PRELID2: variants seen among roughly 807,000 people sequenced by gnomAD.
PRELID2 encodes PRELI domain containing 2, also known as PRELI domain-containing protein 2.
A neutral mutation model predicts 28.4 loss-of-function variants in PRELID2; 25 were observed. The ratio of observed to expected loss-of-function variants is 0.88; its 90% CI spans 0.64 to 1.23. PRELID2 has a LOEUF of 1.23. Among genes scored for constraint, PRELID2 ranks in the 50% most tolerant of loss-of-function variants. PRELID2 has a pLI of 0.00. For synonymous variants in PRELID2, 76 were observed against 71.6 expected (o/e 1.06, Z -0.31); for missense variants, 201 against 214.4 (o/e 0.94, Z 0.39).
intron 1 of PRELID2, among the ~76,000 whole-genome samples, chr5:145,613,429 T>C: frequency 1.4e-5 from 2 of 143,836 alleles, no homozygotes; most frequent in African/African-American, 5.1e-5. Flanking sequence ...TATCTCCTAA[T>C]GCTATCCCTC....
chr5:145,712,463 C>T (rs1755720564), intron 1 of PRELID2, among the ~76,000 whole-genome samples: 2 of 152,162 alleles, frequency 1.3e-5, no homozygotes, highest in African/African-American at 4.8e-5. Context: ...CAAGACTTTT[C>T]TTTCCAAAGA....
chr5:145,551,878 G>A (rs1268086388), intron 1 of PRELID2, among the ~76,000 whole-genome samples: 2 of 152,122 alleles, frequency 1.3e-5, no homozygotes, highest in Non-Finnish European at 2.9e-5. Flanking sequence ...TGTCTGGCAG[G>A]AGCAGGGACA....
At chr5:145,649,671 C>T in intron 1 of PRELID2, among the ~76,000 whole-genome samples, 1 of 152,176 alleles carries the variant, frequency 6.6e-6, no homozygotes, top group East Asian at 1.9e-4. Flanking sequence ...TCAGTTGCAT[C>T]TAAGCTGTTT....
rs537847605 is a variant in PRELID2 at position 145,773,343 on chromosome 5, C to T, written c.475-8343G>A. ...CCTAACCTAACATGAAGATTTAAGT[C>T]GCTGGTGTTTTTCTATTTTACAAAG... On this transcript the variant is annotated intron_variant, in intron 5 of 6. Coordinates refer to ENST00000683046, the MANE Select transcript of PRELID2 (RefSeq NM_205846.3). Among the ~76,000 whole-genome samples the T allele has an allele frequency of 2.6e-5, 4 of 152,278 alleles. No individual in the cohort carries two copies. The East Asian group carries it at 5.8e-4, about 22-fold the overall frequency.
rs957337560 is a variant in PRELID2, at chr5:145,565,326, C to T, written n.71-92011G>A. The stretch of plus-strand genomic sequence containing the variant: ...GAATTGCCCTTCCAGGTGATTTGCC[C>T]TGTTATTGTTTTGACATGGAACCAT... On this transcript the variant is annotated intron_variant and non_coding_transcript_variant, in intron 1 of 2. Coordinates refer to the PRELID2 transcript ENST00000510259. Among the ~76,000 whole-genome samples the T allele has an allele frequency of 2.0e-5, 3 of 152,166 alleles. No homozygotes were observed. In the East Asian group the frequency reaches 5.8e-4, roughly 29 times the overall value.
chr5:145,351,672 T>G, the PRELID2 span, among the ~76,000 whole-genome samples: 1 of 152,148 alleles, frequency 6.6e-6, no homozygotes, highest in East Asian at 1.9e-4. Context: ...GTCTAGCTCA[T>G]TCTACCATTA....
chr5:145,291,137 A>G, the PRELID2 span, among the ~76,000 whole-genome samples: 1 of 151,932 alleles, frequency 6.6e-6, no homozygotes, highest in African/African-American at 2.4e-5. Context: ...CAAGAGATCA[A>G]GACCATCCTG....
chr5:145,499,561 G>A (rs1223369481), intron 1 of PRELID2, among the ~76,000 whole-genome samples: 1 of 152,154 alleles, frequency 6.6e-6, no homozygotes, highest in Non-Finnish European at 1.5e-5. Flanking sequence ...GGAGCCAGGG[G>A]TCAGGCATCT....
chr5:145,262,846 C>A, the PRELID2 span, among the ~76,000 whole-genome samples: 20 of 151,986 alleles, frequency 1.3e-4, no homozygotes, highest in African/African-American at 4.6e-4. Context: ...CATCTCAATA[C>A]GAACATTGAA....
At chr5:145,604,573 T>A (rs1390575197) in intron 1 of PRELID2, among the ~76,000 whole-genome samples, 1 of 151,976 alleles carries the variant, frequency 6.6e-6, no homozygotes, top group African/African-American at 2.4e-5. Flanking sequence ...GTAGAATAAT[T>A]TATATTCCTT....
At chr5:145,484,971 C>T (rs1752202661) in intron 1 of PRELID2, among the ~76,000 whole-genome samples, 1 of 152,112 alleles carries the variant, frequency 6.6e-6, no homozygotes, top group Admixed American at 6.5e-5. Flanking sequence ...TCTGAGGGTA[C>T]AAAGGTGAAT....
chr5:145,827,876 T>C (rs760895940), intron 1 of PRELID2, among the ~76,000 whole-genome samples: 1 of 152,156 alleles, frequency 6.6e-6, no homozygotes, highest in Non-Finnish European at 1.5e-5. Context: ...ACGATACTAG[T>C]GGACAATTGA....
chr5:145,578,168 G>A (rs1753077656), intron 1 of PRELID2, among the ~76,000 whole-genome samples: 1 of 152,072 alleles, frequency 6.6e-6, no homozygotes, highest in South Asian at 2.1e-4. Context: ...AAATCCCGAG[G>A]AAGATATCTC....
At chr5:145,290,402 A>G in the PRELID2 span, among the ~76,000 whole-genome samples, 2 of 152,120 alleles carry the variant, frequency 1.3e-5, no homozygotes, top group African/African-American at 2.4e-5. Flanking sequence ...CATATACACC[A>G]TGGAATACTA....
chr5:145,830,342 T>G (rs780381615), intron 1 of PRELID2, among the ~76,000 whole-genome samples: 3 of 152,072 alleles, frequency 2.0e-5, no homozygotes, highest in Non-Finnish European at 2.9e-5. Context: ...AACAAGAAAA[T>G]CCAGTCAATA....
At chr5:145,419,074 G>T in the PRELID2 span, among the ~76,000 whole-genome samples, 5 of 150,538 alleles carry the variant, frequency 3.3e-5, no homozygotes, top group Non-Finnish European at 7.4e-5. Flanking sequence ...ATTATTTATG[G>T]CTGCATAGTA....
chr5:145,588,880 A>T (rs572142131), intron 1 of PRELID2, among the ~76,000 whole-genome samples: 146 of 80,420 alleles, frequency 1.8e-3, no homozygotes, highest in Admixed American at 0.01. Flanking sequence ...TTTTATTGGT[A>T]AAAAAAAAAA....
chr5:145,471,960 C>A (rs561831101), exon 3 of PRELID2: 1 of 152,176 alleles, frequency 6.6e-6, no homozygotes, highest in South Asian at 2.1e-4. Context: ...ATCAAAGGAT[C>A]AATTCATTTG....
At chr5:145,473,470 A>G (rs1418349002) in intron 1 of PRELID2, among the ~76,000 whole-genome samples, 1 of 152,202 alleles carries the variant, frequency 6.6e-6, no homozygotes, top group Non-Finnish European at 1.5e-5. Context: ...TAATCCTCAC[A>G]ATATTAAGAG....
Sources: allele counts gnomAD v4.1 joint callset (sites outside exome capture counted in the v4.1 genomes callset), GRCh38; gene constraint gnomAD v4.1.1; transcripts MANE v1.5; gene names NCBI Gene and HGNC (gene_info 2026-07-23, HGNC 2026-07-21).